KCNQ1: variants seen among roughly 807,000 people sequenced by gnomAD.
KCNQ1 encodes potassium voltage-gated channel subfamily Q member 1.
In KCNQ1, 49 loss-of-function variants were observed where a neutral mutation model predicts 72.4. That is an observed-to-expected ratio of 0.68 (90% CI 0.54 to 0.86). The LOEUF is 0.86. Ranked by LOEUF, KCNQ1 falls within the 40% of genes least tolerant of loss-of-function variation. KCNQ1 has a pLI of 0.00. For missense variants in KCNQ1, 790 were observed against 945.1 expected (o/e 0.84, Z 2.15); for synonymous variants, 450 against 412.6 (o/e 1.09, Z -1.10).
rs151197668 is a variant in KCNQ1 at position 2,687,120 on chromosome 11, T to A, written c.1514+25039T>A. The A allele has an allele frequency of 3.5e-5, 14 of 398,590 alleles. No homozygotes were observed. Among genetic ancestry groups the A allele is most frequent in the African/African-American group, 2.7e-4 (13 of 48,724 alleles). 24.7% of individuals were successfully genotyped at this position (398,590 alleles called of 1,614,324 possible). On this transcript the variant is annotated intron_variant, in intron 11 of 15. Coordinates refer to ENST00000155840, the MANE Select transcript of KCNQ1 (RefSeq NM_000218.3). This position sits in a 1 kb window ranked among gnomAD's most constrained non-coding sequence, Gnocchi z 5.0. ...GACAAGTACACCTTGACACACAAAC[T>A]GCACAGGGAGGGGAGGAATCTGAGC... is the stretch of plus-strand genomic sequence containing the variant.
At chr11:2,707,511 G>GAA (rs1288126693) in intron 11 of KCNQ1, among the ~76,000 whole-genome samples, 1 of 152,098 alleles carries the variant, frequency 6.6e-6, no homozygotes, top group Admixed American at 6.5e-5. Context: ...TGGTGTTCTG[G>GAA]GCCGTCAGTT....
At chr11:2,807,453 C>A (rs943863435) in intron 15 of KCNQ1, among the ~76,000 whole-genome samples, 2 of 152,322 alleles carry the variant, frequency 1.3e-5, no homozygotes, top group African/African-American at 2.4e-5. Context: ...CCTCGCCCCC[C>A]CACTCCGGGC....
At chr11:2,666,350 C>G (rs1850067067) in intron 11 of KCNQ1, 1 of 398,638 alleles carries the variant, frequency 2.5e-6, no homozygotes. Context: ...CCCTGGCAAG[C>G]ATGTGCTTGC....
In KCNQ1 at chr11:2,611,580, C is replaced by A; in HGVS notation, c.1393+22726C>A. 1 of 398,562 alleles carries A rather than the reference C, an allele frequency of 2.5e-6. No homozygotes were observed. Among genetic ancestry groups the A allele is most frequent in the South Asian group, 1.3e-4 (1 of 7,806 alleles). The allele number at this position is 398,562 out of a possible 1,614,324, so 24.7% of individuals were successfully genotyped here. ...CTGTTTGCATGTCATCTTTTTCCAT[C>A]ATTTTACTTTCAACTATGTCTTTGA... On this transcript the variant is annotated intron_variant, in intron 10 of 15. Transcript: ENST00000155840. The surrounding 1 kb of genome is among the most constrained non-coding windows in gnomAD (Gnocchi z 5.3).
intron 11 of KCNQ1, chr11:2,684,394 T>A (rs1023839281): frequency 9.3e-5 from 37 of 398,504 alleles, no homozygotes; most frequent in Non-Finnish European, 1.6e-4. Context: ...GTGGGGTCCA[T>A]CCCCCTGATT....
Position 2,713,997 on chromosome 11 carries a change from GT to G in KCNQ1, c.1514+51917del, listed in dbSNP as rs1402571038. On this transcript the variant is annotated intron_variant, in intron 11 of 15. Coordinates refer to ENST00000155840, the MANE Select transcript of KCNQ1 (RefSeq NM_000218.3). The surrounding 1 kb of genome is among the most constrained non-coding windows in gnomAD (Gnocchi z 5.6). ...CCAGGTGGCTGCCACTCAGGGGTGT[GT>G]GGGGGGCGCCTTGGGGCACCCAGGC... Among the ~76,000 whole-genome samples the G allele has an allele frequency of 6.6e-6, 1 of 152,216 alleles. No individual in the cohort carries two copies. The highest frequency in any genetic ancestry group is 2.4e-5 in the African/African-American group (1 of 41,464).
chr11:2,580,982 G>T (rs1380090500), intron 6 of KCNQ1, among the ~76,000 whole-genome samples: 1 of 152,246 alleles, frequency 6.6e-6, no homozygotes, highest in African/African-American at 2.4e-5. Flanking sequence ...ATTGGCAGGG[G>T]CTGCGCCAGC....
intron 10 of KCNQ1, chr11:2,660,162 T>C (rs899265795): frequency 3.0e-5 from 12 of 398,240 alleles, no homozygotes; most frequent in African/African-American, 2.5e-4. Context: ...CTTCAAGATA[T>C]TTTATGGTTT....
Position 2,817,094 on chromosome 11 carries a change from C to T in KCNQ1, c.1795-30673C>T, listed in dbSNP as rs1479918279. ...CCACCCTCACCCTAGTCCACATGCC[C>T]GACCCATGACCCAGGCCTGTGGCGC... On this transcript the variant is annotated intron_variant, in intron 15 of 15. Coordinates refer to ENST00000155840, the MANE Select transcript of KCNQ1 (RefSeq NM_000218.3). The surrounding 1 kb of genome is among the most constrained non-coding windows in gnomAD (Gnocchi z 6.1). Among the ~76,000 whole-genome samples, 7 of 152,072 alleles carry T rather than the reference C, an allele frequency of 4.6e-5. No individual in the cohort carries two copies. Among genetic ancestry groups the T allele is most frequent in the South Asian group, 2.1e-4 (1 of 4,824 alleles).
Position 2,773,137 on chromosome 11 carries a change from T to A in KCNQ1, c.1591-2823T>A, listed in dbSNP as rs140892904. 2.4e-4 allele frequency among the ~76,000 whole-genome samples: 36 copies of A among 150,516 alleles called. No individual in the cohort carries two copies. The East Asian group carries it at 6.0e-3, about 25-fold the overall frequency. On this transcript the variant is annotated intron_variant, in intron 12 of 15. Transcript: ENST00000155840. ...CCATCTTAGAGAAGAGAGCGTAGAA[T>A]CTCCATCATACAGAAGGGACATACG...
chr11:2,643,089 A>G (rs1287510901), intron 10 of KCNQ1: 4 of 398,098 alleles, frequency 1.0e-5, no homozygotes, highest in Admixed American at 4.4e-5. Flanking sequence ...CATATAATGT[A>G]TCCTGGAGAG....
At chr11:2,776,878 C>G (rs1034344234) in intron 13 of KCNQ1, 108 bp from the exon 14 acceptor site, 1 of 1,098,996 alleles carries the variant, frequency 9.1e-7, no homozygotes, top group African/African-American at 1.5e-5. Context: ...AGTGGGTGGA[C>G]AGTCCACTGT....
chr11:2,758,557 C>T (rs1846339560), intron 11 of KCNQ1, among the ~76,000 whole-genome samples: 1 of 152,182 alleles, frequency 6.6e-6, no homozygotes, highest in African/African-American at 2.4e-5. Flanking sequence ...TCCTCCTGGG[C>T]ATTTATCCCA....
At chr11:2,470,705 G>T (rs111865798) in intron 1 of KCNQ1, among the ~76,000 whole-genome samples, 1,233 of 91,270 alleles carry the variant, frequency 0.014, 8 homozygotes, top group Non-Finnish European at 0.018. Context: ...TCAGTTAGGT[G>T]GGGGGGGGGG....
At chr11:2,584,818 C>T (rs1466631578) in intron 7 of KCNQ1, among the ~76,000 whole-genome samples, 3 of 152,152 alleles carry the variant, frequency 2.0e-5, no homozygotes, top group East Asian at 1.9e-4. Flanking sequence ...ATCCCATCAA[C>T]CGTCCTTGGG....
rs530256629 is a variant in KCNQ1, at chr11:2,624,135, T to C, written c.1393+35281T>C. On this transcript the variant is annotated intron_variant, in intron 10 of 15. Coordinates refer to ENST00000155840, the MANE Select transcript of KCNQ1 (RefSeq NM_000218.3). This position sits in a 1 kb window ranked among gnomAD's most constrained non-coding sequence, Gnocchi z 4.9. Reference sequence around the variant, plus strand: ...CTAATAAGCGTGTAGATATATCACATTTCTTGTTTTAATTTCCATTTCCCT... The same window carrying C: ...CTAATAAGCGTGTAGATATATCACACTTCTTGTTTTAATTTCCATTTCCCT... 1 of 398,588 alleles carries C rather than the reference T, an allele frequency of 2.5e-6. No individual in the cohort carries two copies. Among genetic ancestry groups the C allele is most frequent in the Non-Finnish European group, 4.4e-6 (1 of 226,032 alleles). 24.7% of individuals were successfully genotyped at this position (398,588 alleles called of 1,614,324 possible).
At chr11:2,454,423 G>A (rs760535348) in intron 1 of KCNQ1, among the ~76,000 whole-genome samples, 4 of 152,190 alleles carry the variant, frequency 2.6e-5, no homozygotes, top group Non-Finnish European at 5.9e-5. Context: ...GCCTAAAAAT[G>A]TGTGCTGAAT....
intron 11 of KCNQ1, among the ~76,000 whole-genome samples, chr11:2,728,111 C>G (rs1845796729): frequency 6.6e-6 from 1 of 152,182 alleles, no homozygotes; most frequent in Non-Finnish European, 1.5e-5. Flanking sequence ...AGTGTTCTTG[C>G]CCAGGGCCTT....
In KCNQ1 at chr11:2,764,658, C is replaced by T. The variant is rs1275340954; in HGVS notation, c.1515-4186C>T. 6.6e-6 allele frequency among the ~76,000 whole-genome samples: 1 copy of T among 152,116 alleles called. No individual in the cohort carries two copies. Among genetic ancestry groups the T allele is most frequent in the Non-Finnish European group, 1.5e-5 (1 of 68,032 alleles). Reference sequence around the variant, plus strand: ...TACAGAGTTTTCTTTGCCAGAAGATCATTAAAATTCCAAATTTAACTTATT... The same window carrying T: ...TACAGAGTTTTCTTTGCCAGAAGATTATTAAAATTCCAAATTTAACTTATT... On this transcript the variant is annotated intron_variant, in intron 11 of 15. Coordinates refer to ENST00000155840, the MANE Select transcript of KCNQ1 (RefSeq NM_000218.3). The surrounding 1 kb of genome is among the most constrained non-coding windows in gnomAD (Gnocchi z 4.8).
Sources: gnomAD v4.1 joint callset for allele counts (sites outside exome capture counted in the v4.1 genomes callset) on GRCh38, gnomAD v4.1.1 for gene constraint, Gnocchi (gnomAD v3.1) non-coding constraint, MANE v1.5 for transcripts, NCBI Gene and HGNC (gene_info 2026-07-23, HGNC 2026-07-21) for gene names.